The following CDCP1 variants were observed in gnomAD, a reference collection of about 807,000 sequenced individuals.
CDCP1 encodes CUB domain-containing protein 1.
Under a neutral mutation model 60.2 loss-of-function variants are expected in CDCP1, and 29 were observed. The observed-to-expected ratio is 0.48, with a 90% CI of 0.36 to 0.66. The LOEUF is 0.66. Ranked by LOEUF, CDCP1 falls within the 30% of genes least tolerant of loss-of-function variation. The probability of loss-of-function intolerance (pLI) is 0.00; values close to 1 mark genes in which losing one functional copy is unlikely to be tolerated. For synonymous variants in CDCP1, 387 were observed against 431.1 expected (o/e 0.90, Z 1.27); for missense variants, 876 against 1,074.3 (o/e 0.82, Z 2.58).
At chr3:45,108,788 TGC>T (rs1443378329) in intron 4 of CDCP1, among the ~76,000 whole-genome samples, 2 of 59,884 alleles carry the variant, frequency 3.3e-5, no homozygotes, top group African/African-American at 5.9e-5. Context: ...TACATATATA[TGC>T]ATGTATATAT....
intron 8 of CDCP1, among the ~76,000 whole-genome samples, chr3:45,086,371 A>G (rs560447945): frequency 2.6e-5 from 4 of 152,348 alleles, no homozygotes; most frequent in African/African-American, 9.6e-5. Context: ...GCGGTATCCA[A>G]TGGTGGAGAC....
chr3:45,094,032 A>G (rs1234820207), intron 5 of CDCP1, among the ~76,000 whole-genome samples: 1 of 152,074 alleles, frequency 6.6e-6, no homozygotes, highest in Non-Finnish European at 1.5e-5. Context: ...AGTTCTGGGC[A>G]GTGGTTGGAG....
At chr3:45,097,868 A>G (rs1004418477) in intron 4 of CDCP1, among the ~76,000 whole-genome samples, 2 of 152,236 alleles carry the variant, frequency 1.3e-5, no homozygotes, top group Non-Finnish European at 2.9e-5. Flanking sequence ...TTAATTAGAG[A>G]GATGCCATGT....
intron 1 of CDCP1, among the ~76,000 whole-genome samples, chr3:45,125,987 T>C (rs1422854399): frequency 1.3e-5 from 2 of 152,200 alleles, no homozygotes; most frequent in Admixed American, 6.5e-5. Context: ...GGTTCAACCC[T>C]GGCACCTCTG....
intron 1 of CDCP1, among the ~76,000 whole-genome samples, chr3:45,144,211 C>CT (rs1453331619): frequency 1.3e-5 from 2 of 152,162 alleles, no homozygotes; most frequent in Non-Finnish European, 2.9e-5. Context: ...ACACCAAATT[C>CT]ATTTTTACTC....
intron 4 of CDCP1, among the ~76,000 whole-genome samples, chr3:45,109,629 C>T (rs548949461): frequency 8.5e-5 from 13 of 152,070 alleles, no homozygotes. Context: ...CTGCACGACA[C>T]CCCTCAGGGC....
rs199891637 is a variant in CDCP1 at position 45,085,965 on chromosome 3, G to A, written c.2184C>T (p.Asp728=). ...TGACTGCATACACATGGGAGTCATT[G>A]TCCTTTCGCCCTTTCTGAAACTTTT... The part of the protein sequence containing the change: ...QPKKFQKGRK[D]NDSHVYAVIE... Residue 728 remains aspartate (D), a synonymous_variant, in exon 9 of 9, where the codon GAC becomes GAT. Coordinates refer to ENST00000296129, the MANE Select transcript of CDCP1 (RefSeq NM_022842.5). The surrounding 1 kb of genome is among the most constrained non-coding windows in gnomAD (Gnocchi z 4.2). 8 of 1,614,222 alleles carry A rather than the reference G, an allele frequency of 5.0e-6. No homozygotes were observed. The African/African-American group carries it at 9.3e-5, about 19-fold the overall frequency.
chr3:45,112,252 G>A lies in CDCP1; in HGVS notation c.486C>T (p.Ser162=). ...GESCPDGVTH[S]ISGRIDATVV... ...CGGTGGCATCGATTCGGCCGCTGATGGAGTGAGTGACTCCGTCTGGGCAGC... is the reference window on the plus strand; with the variant it reads ...CGGTGGCATCGATTCGGCCGCTGATAGAGTGAGTGACTCCGTCTGGGCAGC... The change falls in exon 3 of 9, where the codon TCC becomes TCT. Residue 162 remains serine (S), a synonymous_variant. Transcript: ENST00000296129. 6.2e-7 allele frequency: 1 copy of A among 1,614,206 alleles called. No homozygotes were observed. Among genetic ancestry groups the A allele is most frequent in the Non-Finnish European group, 8.5e-7 (1 of 1,180,038 alleles).
rs1032867538 is a variant in CDCP1 at position 45,085,976 on chromosome 3, C to G, written c.2173G>C (p.Gly725Arg). ...MPRQPKKFQKGRKDNDSHVYA... is the reference protein window; with the variant it reads ...MPRQPKKFQKRRKDNDSHVYA... ...ACATGGGAGTCATTGTCCTTTCGCC[C>G]TTTCTGAAACTTTTTTGGCTGCCTC... The change falls in exon 9 of 9, where the codon GGG becomes CGG. Residue 725 changes from glycine (G) to arginine (R), a missense_variant. Transcript: ENST00000296129. This position sits in a 1 kb window ranked among gnomAD's most constrained non-coding sequence, Gnocchi z 4.2. 49 of 1,614,052 alleles carry G rather than the reference C, an allele frequency of 3.0e-5. No homozygotes were observed. Among genetic ancestry groups the G allele is most frequent in the Non-Finnish European group, 3.9e-5 (46 of 1,180,048 alleles).
chr3:45,109,151 G>A lies in CDCP1; in HGVS notation c.1024+1322C>T, dbSNP rs556317470. 2.7e-3 allele frequency among the ~76,000 whole-genome samples: 402 copies of A among 151,398 alleles called. 6 individuals carry two copies. The highest frequency in any genetic ancestry group is 6.6e-4 in the Non-Finnish European group (45 of 67,878). On this transcript the variant is annotated intron_variant, in intron 4 of 8. Transcript: ENST00000296129. ...TTTTTGTAGGACGGGGTTTTGCCAC[G>A]TAGGCCAGGCTGGTCTCGAACTCCT...
At chr3:45,124,417 A>G (rs112706653) in intron 1 of CDCP1, among the ~76,000 whole-genome samples, 1 of 152,182 alleles carries the variant, frequency 6.6e-6, no homozygotes, top group Admixed American at 6.5e-5. Context: ...TCCAAGGAAG[A>G]TGGACTGAGC....
rs1698380034 is a variant in CDCP1, at chr3:45,095,361, A to G, written c.1232T>C (p.Val411Ala). 1.2e-6 allele frequency: 2 copies of G among 1,614,116 alleles called. No homozygotes were observed. Among genetic ancestry groups the G allele is most frequent in the Non-Finnish European group, 8.5e-7 (1 of 1,179,966 alleles). The part of the protein sequence containing the change: ...CDDLTRLWMN[V>A]EKTISCTDHR... Reference sequence around the variant, plus strand: ...CAGGGGCGTACTTATGGTTTTTTCCACATTCATCCACAGACGTGTCAGATC... The same window carrying G: ...CAGGGGCGTACTTATGGTTTTTTCCGCATTCATCCACAGACGTGTCAGATC... Residue 411 changes from valine to alanine, a missense_variant, in exon 5 of 9, where the codon GTG (valine) becomes GCG (alanine). By Grantham distance (64) the Val-to-Ala change is moderately conservative. Around this residue, in one of 2 missense-constraint regions of CDCP1, gnomAD observed 726 missense variants for 935.7 expected, o/e 0.78. Transcript: ENST00000296129.
At chr3:45,092,214 G>T (rs1004973801) in intron 6 of CDCP1, among the ~76,000 whole-genome samples, 1 of 152,150 alleles carries the variant, frequency 6.6e-6, no homozygotes, top group Non-Finnish European at 1.5e-5. Context: ...AAACAAACAG[G>T]CAAATAAAAA....
At chr3:45,101,555 A>G (rs1333461948) in intron 4 of CDCP1, among the ~76,000 whole-genome samples, 1 of 152,142 alleles carries the variant, frequency 6.6e-6, no homozygotes, top group Non-Finnish European at 1.5e-5. Context: ...TCAAGATGAT[A>G]GTGAAGCTGT....
At chr3:45,136,006 G>A (rs1699185238) in intron 1 of CDCP1, among the ~76,000 whole-genome samples, 1 of 152,186 alleles carries the variant, frequency 6.6e-6, no homozygotes, top group South Asian at 2.1e-4. Context: ...TGGTTTACAT[G>A]TTTCAATCCC....
chr3:45,145,369 C>T (rs889121908), intron 1 of CDCP1, among the ~76,000 whole-genome samples: 2 of 152,168 alleles, frequency 1.3e-5, no homozygotes, highest in Non-Finnish European at 2.9e-5. Context: ...ATGAAGAAAC[C>T]AGGTTATTTA....
intron 1 of CDCP1, among the ~76,000 whole-genome samples, chr3:45,126,290 T>G (rs1405405893): frequency 2.0e-5 from 3 of 151,096 alleles, no homozygotes; most frequent in African/African-American, 7.3e-5. Flanking sequence ...TTGTCTACCC[T>G]GGAGGTGACA....
In CDCP1 at chr3:45,093,432, T is replaced by C. The variant is rs1218213071; in HGVS notation, c.1472A>G (p.Gln491Arg). The C allele has an allele frequency of 1.2e-6, 2 of 1,614,046 alleles. No individual in the cohort carries two copies. Among genetic ancestry groups the C allele is most frequent in the African/African-American group, 2.7e-5 (2 of 74,938 alleles). Residue 491 changes from glutamine (Q) to arginine (R), a missense_variant, in exon 6 of 9, where the codon CAG (glutamine) becomes CGG (arginine). Around this residue, in one of 2 missense-constraint regions of CDCP1, gnomAD observed 726 missense variants for 935.7 expected, o/e 0.78. Transcript: ENST00000296129. ...SYLVASAIPS[Q>R]DLYFGSFCPG... ...GCAGAAGGAGCCGAAGTACAGGTCC[T>C]GGCTGGGTATGGCACTGGCCACGAG...
rs755321518 is a variant in CDCP1 at position 45,095,372 on chromosome 3, C to T, written c.1221G>A (p.Leu407=). ...TTATGGTTTTTTCCACATTCATCCA[C>T]AGACGTGTCAGATCATCACAAAGGA... is the stretch of plus-strand genomic sequence containing the variant. ...ISFLCDDLTR[L]WMNVEKTISC... The change falls in exon 5 of 9, where the codon CTG becomes CTA. Residue 407 remains leucine, a synonymous_variant. Coordinates refer to ENST00000296129, the MANE Select transcript of CDCP1 (RefSeq NM_022842.5). 2.9e-5 allele frequency: 47 copies of T among 1,614,092 alleles called. 1 individual carries two copies. Among genetic ancestry groups the T allele is most frequent in the Middle Eastern group, 3.3e-4 (2 of 6,084 alleles).
Sources: gnomAD v4.1 joint callset for allele counts (sites outside exome capture counted in the v4.1 genomes callset) on GRCh38, gnomAD v4.1.1 for gene constraint, gnomAD v4.1.1 regional missense constraint, Gnocchi (gnomAD v3.1) non-coding constraint, MANE v1.5 for transcripts, NCBI Gene and HGNC (gene_info 2026-07-23, HGNC 2026-07-21) for gene names.